The following HELZ variants were observed in gnomAD, a reference collection of about 807,000 sequenced individuals.
HELZ encodes ATP-dependent RNA helicase with zinc finger domain.
Under a neutral mutation model 218.2 loss-of-function variants are expected in HELZ, and 23 were observed. The ratio of observed to expected loss-of-function variants is 0.11; its 90% confidence interval spans 0.08 to 0.15. The LOEUF (loss-of-function observed/expected upper bound fraction) is 0.15. HELZ is among the 10% of genes least tolerant of loss of function. The probability of loss-of-function intolerance (pLI) is 1.00; values close to 1 mark genes in which losing one functional copy is unlikely to be tolerated. For missense variants in HELZ, 1,813 were observed against 2,353.7 expected (o/e 0.77, Z 4.75); for synonymous variants, 814 against 829.4 (o/e 0.98, Z 0.32).
Position 67,109,307 on chromosome 17 carries a change from T to C in HELZ, c.4298A>G (p.Asn1433Ser), listed in dbSNP as rs765722516. Residue 1433 changes from asparagine to serine, a missense_variant, in exon 29 of 33, where the codon AAT (asparagine) becomes AGT (serine). Coordinates refer to ENST00000358691, the MANE Select transcript of HELZ (RefSeq NM_014877.4). ...CTGTGGCCGATGAGCAACTGCACTA[T>C]TAAAAAAAGCATTGTTGGGTCCCGC... is the stretch of plus-strand genomic sequence containing the variant. ...YQAGPNNAFF[N>S]SAVAHRPQSP... 9 of 1,614,010 alleles carry C rather than the reference T, an allele frequency of 5.6e-6. No homozygotes were observed. Among genetic ancestry groups the C allele is most frequent in the Non-Finnish European group, 7.6e-6 (9 of 1,180,028 alleles).
intron 5 of HELZ, 73 bp from the exon 6 acceptor site, chr17:67,203,516 C>G: frequency 6.5e-7 from 1 of 1,543,600 alleles, no homozygotes. Flanking sequence ...AGTATTAACA[C>G]ACTATCACAA....
rs1598230937 is a variant in HELZ, at chr17:67,107,071, A to G, written c.5241+98T>C. On this transcript the variant is annotated intron_variant, in intron 31 of 32. Coordinates refer to ENST00000358691, the MANE Select transcript of HELZ (RefSeq NM_014877.4). ...AAAGGATTATCTTTAATACGCTGTT[A>G]AATTCAATAAGATCTGTGCCTTCCT... is the stretch of plus-strand genomic sequence containing the variant. The G allele has an allele frequency of 6.2e-6, 7 of 1,132,466 alleles. No individual in the cohort carries two copies. In the East Asian group the frequency reaches 1.7e-4, roughly 27 times the overall value. 70.2% of individuals were successfully genotyped at this position (1,132,466 alleles called of 1,614,324 possible).
chr17:67,134,905 T>C (rs1383838451), intron 23 of HELZ, among the ~76,000 whole-genome samples: 3 of 152,202 alleles, frequency 2.0e-5, no homozygotes, highest in South Asian at 2.1e-4. Context: ...AGCACACTTA[T>C]AAAATTTTAA....
intron 17 of HELZ, among the ~76,000 whole-genome samples, chr17:67,152,407 A>G (rs1047094602): frequency 6.6e-6 from 1 of 152,168 alleles, no homozygotes; most frequent in African/African-American, 2.4e-5. Context: ...GGTAGCTTGG[A>G]TTAGGCCAAC....
At chr17:67,199,997 A>C (rs2040128302) in intron 7 of HELZ, among the ~76,000 whole-genome samples, 1 of 152,180 alleles carries the variant, frequency 6.6e-6, no homozygotes, top group South Asian at 2.1e-4. Context: ...TCTGTGAATT[A>C]CACTTACAGT....
chr17:67,176,982 T>C (rs967663468), intron 13 of HELZ, among the ~76,000 whole-genome samples: 3 of 74,446 alleles, frequency 4.0e-5, no homozygotes, highest in Non-Finnish European at 6.9e-5. Context: ...TCAGTTTCTC[T>C]TTTTTTTTTT....
Position 67,218,633 on chromosome 17 carries a change from C to G in HELZ, c.172G>C (p.Glu58Gln). Reference sequence around the variant, plus strand: ...GAGGCAATTCTGTAGAGAAGACTCTCGATTTTGATGCGTTCTATTTCCAAT... The same window carrying G: ...GAGGCAATTCTGTAGAGAAGACTCTGGATTTTGATGCGTTCTATTTCCAAT... ...CPLEIERIKI[E>Q]SLLYRIASFL... is the part of the protein sequence containing the mutation. The change falls in exon 4 of 33, where the codon GAG (glutamate) becomes CAG (glutamine). Residue 58 changes from glutamate to glutamine, a missense_variant. Transcript: ENST00000358691. 6.2e-7 allele frequency: 1 copy of G among 1,614,154 alleles called. No individual in the cohort carries two copies. Among genetic ancestry groups the G allele is most frequent in the Non-Finnish European group, 8.5e-7 (1 of 1,180,026 alleles).
At chr17:67,206,846 G>A (rs940580172) in intron 5 of HELZ, among the ~76,000 whole-genome samples, 2 of 151,666 alleles carry the variant, frequency 1.3e-5, no homozygotes, top group African/African-American at 2.4e-5. Context: ...TGATCCACCC[G>A]CCTCAGCCTC....
chr17:67,099,685 T>C (rs2036862116), intron 31 of HELZ, among the ~76,000 whole-genome samples: 2 of 152,226 alleles, frequency 1.3e-5, no homozygotes, highest in South Asian at 4.1e-4. Flanking sequence ...TTATAAGATA[T>C]ACCTCTAATA....
chr17:67,078,585 C>A lies in HELZ; in HGVS notation c.5496G>T (p.Ala1832=), dbSNP rs200149411. The A allele has an allele frequency of 8.7e-4, 1,283 of 1,467,142 alleles. 12 individuals carry two copies. Among genetic ancestry groups the A allele is most frequent in the Middle Eastern group, 1.8e-4 (1 of 5,462 alleles). 90.9% of individuals were successfully genotyped at this position (1,467,142 alleles called of 1,614,324 possible). Residue 1832 remains alanine, a splice_region_variant and synonymous_variant, in exon 33 of 33, where the codon GCG becomes GCT. Coordinates refer to ENST00000358691, the MANE Select transcript of HELZ (RefSeq NM_014877.4). ...CAGGGGGTTTGACAGTCTTGGGTGG[C>A]GCTAAAAGCAGAGAACAGTGACACA... ...SRTAQPRELI[A]PPKTVKPPED...
At chr17:67,115,443 CAG>C (rs2037399552) in intron 27 of HELZ, among the ~76,000 whole-genome samples, 1 of 151,908 alleles carries the variant, frequency 6.6e-6, no homozygotes, top group African/African-American at 2.4e-5. Flanking sequence ...ATTATAAACT[CAG>C]AGATCTGAGC....
At chr17:67,138,390 T>C (rs914541320) in intron 21 of HELZ, among the ~76,000 whole-genome samples, 1 of 152,058 alleles carries the variant, frequency 6.6e-6, no homozygotes, top group Non-Finnish European at 1.5e-5. Context: ...CAAGTTCCTG[T>C]GTAGGGAGGA....
chr17:67,224,967 T>C (rs1298460386), intron 3 of HELZ: 4 of 703,124 alleles, frequency 5.7e-6, no homozygotes, highest in Admixed American at 1.8e-5. Context: ...TCTAAGAGAA[T>C]GCTGGCTATT....
chr17:67,239,300 T>C (rs2143504149), intron 3 of HELZ, 133 bp downstream of exon 3: 1 of 152,388 alleles, frequency 6.6e-6, no homozygotes, highest in Non-Finnish European at 1.5e-5. Flanking sequence ...AAGTAACCGA[T>C]TCCGTTAGGA....
intron 24 of HELZ, among the ~76,000 whole-genome samples, chr17:67,126,836 C>T (rs1184517463): frequency 2.0e-5 from 3 of 146,906 alleles, no homozygotes; most frequent in African/African-American, 4.9e-5. Context: ...CACTCCAGCC[C>T]GGGCAACAGA....
intron 13 of HELZ, among the ~76,000 whole-genome samples, chr17:67,177,616 T>C (rs1305244298): frequency 6.6e-6 from 1 of 151,334 alleles, no homozygotes; most frequent in Non-Finnish European, 1.5e-5. Flanking sequence ...CCACTGTCCT[T>C]CTTATTTAAC....
intron 20 of HELZ, among the ~76,000 whole-genome samples, chr17:67,147,403 C>T (rs181960889): frequency 2.6e-5 from 4 of 152,274 alleles, no homozygotes; most frequent in Admixed American, 2.6e-4. Flanking sequence ...CCTCAAGAAA[C>T]AGAATCTCTC....
chr17:67,195,838 C>CTTTTTTTTTTTTTTT (rs66827855), intron 7 of HELZ, among the ~76,000 whole-genome samples: 1 of 101,544 alleles, frequency 9.8e-6, no homozygotes, highest in Non-Finnish European at 1.8e-5. Flanking sequence ...GTTTCTTTTC[C>CTTTTTTTTTTTTTTT]TTTTTTTTTT....
At chr17:67,182,689 T>C (rs747787304) in intron 12 of HELZ, among the ~76,000 whole-genome samples, 5 of 152,164 alleles carry the variant, frequency 3.3e-5, no homozygotes, top group African/African-American at 1.2e-4. Context: ...CTTTTGAAGA[T>C]AACAGTCTTT....
Sources: gnomAD v4.1 joint callset for allele counts (sites outside exome capture counted in the v4.1 genomes callset) on GRCh38, gnomAD v4.1.1 for gene constraint, MANE v1.5 for transcripts, NCBI Gene and HGNC (gene_info 2026-07-23, HGNC 2026-07-21) for gene names.